The following MAGI2 variants were observed in gnomAD, a reference collection of about 807,000 sequenced individuals.
MAGI2 encodes the protein membrane-associated guanylate kinase, WW and PDZ domain-containing protein 2.
MAGI2 carries 35 observed loss-of-function variants against 133.3 expected under a neutral mutation model. The ratio of observed to expected loss-of-function variants is 0.26; its 90% CI spans 0.20 to 0.35. The LOEUF (loss-of-function observed/expected upper bound fraction) is 0.35. Ranked by LOEUF, MAGI2 falls within the 10% of genes least tolerant of loss-of-function variation. The pLI is 1.00. For synonymous variants in MAGI2, 729 were observed against 710.6 expected (o/e 1.03, Z -0.41); for missense variants, 1,636 against 1,863.4 (o/e 0.88, Z 2.25).
chr7:78,061,310 C>T (rs1051291345), intron 21 of MAGI2, among the ~76,000 whole-genome samples: 10 of 151,094 alleles, frequency 6.6e-5, no homozygotes, highest in Admixed American at 1.3e-4. Context: ...CTGTCTAATC[C>T]GGGGGAGTGG....
At chr7:78,295,785 A>G (rs574753068) in intron 9 of MAGI2, among the ~76,000 whole-genome samples, 2 of 152,246 alleles carry the variant, frequency 1.3e-5, no homozygotes, top group East Asian at 1.9e-4. Context: ...TGTAAACTTC[A>G]GGCTCAACTA....
chr7:78,239,796 A>G (rs1790941282), intron 10 of MAGI2, among the ~76,000 whole-genome samples: 1 of 152,238 alleles, frequency 6.6e-6, no homozygotes, highest in Non-Finnish European at 1.5e-5. Context: ...GAACCCTTGC[A>G]CACTGTTGAT....
chr7:78,259,694 C>A (rs1793330179), intron 9 of MAGI2, among the ~76,000 whole-genome samples: 2 of 152,116 alleles, frequency 1.3e-5, no homozygotes, highest in African/African-American at 4.8e-5. Context: ...TCCTCTAAGG[C>A]TCTCCCTAAC....
chr7:78,661,470 T>C (rs1257183601), intron 2 of MAGI2, among the ~76,000 whole-genome samples: 1 of 152,228 alleles, frequency 6.6e-6, no homozygotes, highest in Non-Finnish European at 1.5e-5. Flanking sequence ...TTCCTTTTAA[T>C]GCCCTGACCA....
At chr7:78,680,943 C>T (rs564106774) in intron 2 of MAGI2, among the ~76,000 whole-genome samples, 1 of 152,226 alleles carries the variant, frequency 6.6e-6, no homozygotes, top group South Asian at 2.1e-4. Context: ...TCTTAATTCT[C>T]AGGGCCTTAC....
intron 1 of MAGI2, among the ~76,000 whole-genome samples, chr7:79,072,951 C>T (rs1358876770): frequency 6.6e-6 from 1 of 152,028 alleles, no homozygotes; most frequent in Non-Finnish European, 1.5e-5. Context: ...AATTTGATCC[C>T]TAAATCACAG....
intron 2 of MAGI2, among the ~76,000 whole-genome samples, chr7:78,728,540 C>CTT (rs71085560): frequency 1.5e-4 from 9 of 60,110 alleles, no homozygotes; most frequent in Non-Finnish European, 8.6e-5. Context: ...TTTCTCTGAT[C>CTT]TTTTTTTTTT....
At chr7:79,304,817 C>T (rs1837659352) in intron 1 of MAGI2, among the ~76,000 whole-genome samples, 1 of 152,102 alleles carries the variant, frequency 6.6e-6, no homozygotes, top group Non-Finnish European at 1.5e-5. Context: ...TCCTAGAGTC[C>T]ACATGATATG....
chr7:78,243,261 ACACACACACTCT>A (rs759283513), intron 10 of MAGI2, among the ~76,000 whole-genome samples: 722 of 43,550 alleles, frequency 0.017, 3 homozygotes, highest in Non-Finnish European at 0.032. Context: ...ACACACACAC[ACACACACACTCT>A]CTCTCTCTCT....
intron 21 of MAGI2, among the ~76,000 whole-genome samples, chr7:78,025,536 A>G (rs1000369768): frequency 2.6e-5 from 4 of 152,234 alleles, no homozygotes; most frequent in African/African-American, 9.6e-5. Context: ...GAGTGAATAC[A>G]TATATTCCAC....
At chr7:78,858,963 G>A (rs1793907148) in intron 2 of MAGI2, among the ~76,000 whole-genome samples, 4 of 152,096 alleles carry the variant, frequency 2.6e-5, no homozygotes, top group Admixed American at 2.6e-4. Context: ...AGCTCTTCTT[G>A]TTGAATTGAT....
rs868701016 is a variant in MAGI2 at position 79,015,448 on chromosome 7, C to T, written c.302-8242G>A. 7.9e-5 allele frequency among the ~76,000 whole-genome samples: 12 copies of T among 152,278 alleles called. 1 individual carries two copies. In the Middle Eastern group the frequency reaches 0.024, roughly 302 times the overall value. On this transcript the variant is annotated intron_variant, in intron 1 of 21. Coordinates refer to ENST00000354212, the MANE Select transcript of MAGI2 (RefSeq NM_012301.4). ...TTAAAAGTATCACGACACAGAACAC[C>T]TTGCCCAAATCAACAAAAAAGAAAC...
At chr7:78,587,139 T>G (rs752623575) in intron 3 of MAGI2, among the ~76,000 whole-genome samples, 11 of 152,224 alleles carry the variant, frequency 7.2e-5, no homozygotes, top group South Asian at 2.1e-4. Flanking sequence ...ATTTTTGATA[T>G]TTTGAGGAAC....
At chr7:78,591,240 T>C in intron 3 of MAGI2, among the ~76,000 whole-genome samples, 1 of 152,216 alleles carries the variant, frequency 6.6e-6, no homozygotes, top group East Asian at 1.9e-4. Flanking sequence ...CAAGAAGTCA[T>C]ATTGACTATA....
intron 2 of MAGI2, among the ~76,000 whole-genome samples, chr7:78,794,603 G>GAA (rs34085868): frequency 7.7e-6 from 1 of 130,560 alleles, no homozygotes; most frequent in Non-Finnish European, 1.7e-5. Flanking sequence ...TCATGCAAAA[G>GAA]AAAAAAAAAA....
intron 9 of MAGI2, among the ~76,000 whole-genome samples, chr7:78,303,047 T>G (rs1420095433): frequency 1.3e-5 from 2 of 152,084 alleles, no homozygotes; most frequent in Non-Finnish European, 2.9e-5. Context: ...ATATTTGAAC[T>G]GAGTTTTGAA....
chr7:78,546,187 ATGCTATC>A (rs1341347478), intron 3 of MAGI2, among the ~76,000 whole-genome samples: 6 of 152,202 alleles, frequency 3.9e-5, no homozygotes, highest in Non-Finnish European at 7.3e-5. Flanking sequence ...CAAATTTATA[ATGCTATC>A]TTGAACATTT....
At chr7:79,108,450 A>G (rs1818625982) in intron 1 of MAGI2, among the ~76,000 whole-genome samples, 1 of 152,200 alleles carries the variant, frequency 6.6e-6, no homozygotes, top group Non-Finnish European at 1.5e-5. Context: ...ATTCATCTCT[A>G]CAACAGACAT....
At chr7:78,594,029 G>C (rs941911386) in intron 3 of MAGI2, among the ~76,000 whole-genome samples, 2 of 152,148 alleles carry the variant, frequency 1.3e-5, no homozygotes, top group Admixed American at 1.3e-4. Context: ...TTTTGAACAT[G>C]CTCACAGATG....
Sources: gnomAD v4.1 joint callset for allele counts (sites outside exome capture counted in the v4.1 genomes callset) on GRCh38, gnomAD v4.1.1 for gene constraint, MANE v1.5 for transcripts, NCBI Gene and HGNC (gene_info 2026-07-23, HGNC 2026-07-21) for gene names.